CNTN5: variants seen among roughly 807,000 people sequenced by gnomAD.
CNTN5 encodes contactin-5.
Under a neutral mutation model 129.1 loss-of-function variants are expected in CNTN5, and 77 were observed. The ratio of observed to expected loss-of-function variants is 0.60; its 90% confidence interval spans 0.50 to 0.72. The LOEUF (loss-of-function observed/expected upper bound fraction) is 0.72, where lower values mean the gene tolerates loss of function less well. Among genes scored for constraint, CNTN5 ranks in the 30% least tolerant of loss-of-function variants. The pLI is 0.00. For missense variants in CNTN5, 1,478 were observed against 1,328.8 expected (o/e 1.11, Z -1.75); for synonymous variants, 509 against 465.6 (o/e 1.09, Z -1.20).
intron 2 of CNTN5, among the ~76,000 whole-genome samples, chr11:99,555,368 C>T (rs1451839458): frequency 2.6e-5 from 4 of 152,066 alleles, no homozygotes; most frequent in East Asian, 1.9e-4. Context: ...ATTACAGAAA[C>T]TTCCAATATA....
rs207472261 is a variant in CNTN5, at chr11:100,211,655, A to C, written c.1885-13037A>C. On this transcript the variant is annotated intron_variant, in intron 15 of 24. Coordinates refer to ENST00000524871, the MANE Select transcript of CNTN5 (RefSeq NM_014361.4). ...AGGTATGGATCATGTTAGCCATACA[A>C]GTTGATTAGTTTATAATCTTTAGTT... 4.6e-5 allele frequency among the ~76,000 whole-genome samples: 7 copies of C among 152,312 alleles called. No individual in the cohort carries two copies. The South Asian group carries it at 1.4e-3, about 32-fold the overall frequency.
intron 4 of CNTN5, among the ~76,000 whole-genome samples, chr11:99,824,081 A>G (rs1946880498): frequency 6.6e-6 from 1 of 151,942 alleles, no homozygotes. Flanking sequence ...GTAAATATTT[A>G]GGTTGTTTTA....
At chr11:99,951,930 C>T (rs1950686843) in intron 7 of CNTN5, among the ~76,000 whole-genome samples, 1 of 152,142 alleles carries the variant, frequency 6.6e-6, no homozygotes, top group Non-Finnish European at 1.5e-5. Context: ...ATTTCTATCT[C>T]AAATATGCAT....
chr11:99,537,041 C>T (rs1340702420), intron 2 of CNTN5, among the ~76,000 whole-genome samples: 1 of 152,044 alleles, frequency 6.6e-6, no homozygotes, highest in African/African-American at 2.4e-5. Flanking sequence ...GGACTAAGTA[C>T]ATTTTAAATA....
chr11:100,077,757 G>T (rs1450809535), intron 13 of CNTN5, among the ~76,000 whole-genome samples: 1 of 151,984 alleles, frequency 6.6e-6, no homozygotes, highest in Non-Finnish European at 1.5e-5. Flanking sequence ...GTGGGAGGAT[G>T]GGTTGAGCCT....
At chr11:99,116,276 A>G (rs1320453852) in intron 1 of CNTN5, among the ~76,000 whole-genome samples, 1 of 152,286 alleles carries the variant, frequency 6.6e-6, no homozygotes, top group Non-Finnish European at 1.5e-5. Flanking sequence ...ATAATATTTT[A>G]TATCGATTTC....
At chr11:99,667,882 C>T (rs1325796682) in intron 3 of CNTN5, among the ~76,000 whole-genome samples, 2 of 151,988 alleles carry the variant, frequency 1.3e-5, no homozygotes, top group Non-Finnish European at 2.9e-5. Flanking sequence ...TGTAACAAAC[C>T]ACCATGGCAC....
In CNTN5 at chr11:99,870,499, T is replaced by C. The variant is rs145250030; in HGVS notation, c.577+25237T>C. Among the ~76,000 whole-genome samples, 97 of 152,282 alleles carry C rather than the reference T, an allele frequency of 6.4e-4. 1 individual carries two copies. The highest frequency in any genetic ancestry group is 1.5e-3 in the East Asian group (8 of 5,186). ...ATGATAAAATATAAATAAACTGATA[T>C]AGTATTTAAACATAATGACAAGGTC... On this transcript the variant is annotated intron_variant, in intron 6 of 24. Coordinates refer to ENST00000524871, the MANE Select transcript of CNTN5 (RefSeq NM_014361.4).
At chr11:100,150,350 T>C (rs1362578571) in intron 13 of CNTN5, among the ~76,000 whole-genome samples, 8 of 152,134 alleles carry the variant, frequency 5.3e-5, no homozygotes, top group African/African-American at 1.9e-4. Context: ...AGAATTATTA[T>C]TGTGCTTGCT....
intron 2 of CNTN5, among the ~76,000 whole-genome samples, chr11:99,473,075 A>G (rs980198018): frequency 6.6e-6 from 1 of 152,154 alleles, no homozygotes; most frequent in African/African-American, 2.4e-5. Flanking sequence ...TAGAGTATAC[A>G]TATTTATTTT....
intron 15 of CNTN5, among the ~76,000 whole-genome samples, chr11:100,215,443 C>T (rs1017116620): frequency 3.3e-5 from 5 of 151,998 alleles, no homozygotes; most frequent in South Asian, 4.1e-4. Context: ...TATCCTAGGC[C>T]GAACAGATTC....
chr11:100,155,466 C>G (rs1303005259), intron 13 of CNTN5, among the ~76,000 whole-genome samples: 1 of 152,064 alleles, frequency 6.6e-6, no homozygotes, highest in Non-Finnish European at 1.5e-5. Flanking sequence ...ATGCCTCCAG[C>G]TTTGGTCTTT....
chr11:100,296,740 C>G (rs1405850558), intron 18 of CNTN5, among the ~76,000 whole-genome samples: 2 of 151,490 alleles, frequency 1.3e-5, no homozygotes, highest in South Asian at 2.1e-4. Context: ...GTATAAAAGG[C>G]TGTGTGAATA....
At chr11:99,071,363 A>G (rs1349159636) in intron 1 of CNTN5, among the ~76,000 whole-genome samples, 1 of 152,144 alleles carries the variant, frequency 6.6e-6, no homozygotes, top group Non-Finnish European at 1.5e-5. Context: ...TAAAATCTGT[A>G]GCATCATTAA....
chr11:99,420,043 C>T (rs773245341), intron 2 of CNTN5, among the ~76,000 whole-genome samples: 27 of 151,930 alleles, frequency 1.8e-4, no homozygotes, highest in Non-Finnish European at 3.4e-4. Flanking sequence ...AAGGTAAATC[C>T]AAGGTGCTGG....
chr11:99,679,684 C>T (rs1011588869), intron 3 of CNTN5, among the ~76,000 whole-genome samples: 1 of 152,134 alleles, frequency 6.6e-6, no homozygotes. Flanking sequence ...CAGTTAAGAA[C>T]CCTACCGTGG....
At chr11:99,136,402 C>A (rs1859220773) in intron 1 of CNTN5, among the ~76,000 whole-genome samples, 1 of 152,100 alleles carries the variant, frequency 6.6e-6, no homozygotes, top group Admixed American at 6.6e-5. Context: ...TATCCCAAAC[C>A]TAATTATTTT....
chr11:100,018,326 C>T (rs1565792326), intron 9 of CNTN5, among the ~76,000 whole-genome samples: 1 of 151,910 alleles, frequency 6.6e-6, no homozygotes. Context: ...CACGCATCCT[C>T]AACCCCAGGA....
chr11:99,267,091 G>T (rs1862935309), intron 1 of CNTN5, among the ~76,000 whole-genome samples: 1 of 151,952 alleles, frequency 6.6e-6, no homozygotes, highest in African/African-American at 2.4e-5. Context: ...TTCTTAAATG[G>T]TAATAACATG....
Sources: gnomAD v4.1 joint callset for allele counts (sites outside exome capture counted in the v4.1 genomes callset) on GRCh38, gnomAD v4.1.1 for gene constraint, MANE v1.5 for transcripts, NCBI Gene and HGNC (gene_info 2026-07-23, HGNC 2026-07-21) for gene names.